TCTN1: variants seen among roughly 807,000 people sequenced by gnomAD.
TCTN1 encodes the protein tectonic family member 1.
TCTN1 carries 58 observed loss-of-function variants against 65.8 expected under a neutral mutation model. That is an observed-to-expected ratio of 0.88 (90% CI 0.71 to 1.10). TCTN1 has a LOEUF of 1.10. Among genes scored for constraint, TCTN1 ranks in the 50% least tolerant of loss-of-function variants. The pLI is 0.00. For missense variants in TCTN1, 645 were observed against 719.4 expected (o/e 0.90, Z 1.18); for synonymous variants, 273 against 289.1 (o/e 0.94, Z 0.57).
At chr12:110,619,417 T>A (rs2065265823) in intron 1 of TCTN1, among the ~76,000 whole-genome samples, 1 of 152,162 alleles carries the variant, frequency 6.6e-6, no homozygotes, top group African/African-American at 2.4e-5. Flanking sequence ...CTCTGAATCG[T>A]AATCTCTAGA....
At chr12:110,622,722 T>C (rs1565962932) in intron 2 of TCTN1, among the ~76,000 whole-genome samples, 1 of 151,878 alleles carries the variant, frequency 6.6e-6, no homozygotes, top group Non-Finnish European at 1.5e-5. Flanking sequence ...AGGGGTCAGG[T>C]CCCCAGGGGC....
chr12:110,647,279 T>G lies in TCTN1; in HGVS notation c.1578T>G (p.Asn526Lys). ...VKWTKYGSLL[N>K]PQAKIVNVTA... Reference sequence around the variant, plus strand: ...GGACTAAATACGGATCCCTGCTGAATCCACAGGCCAAAATAGTCAATGTAA... The same window carrying G: ...GGACTAAATACGGATCCCTGCTGAAGCCACAGGCCAAAATAGTCAATGTAA... Residue 526 changes from asparagine (N) to lysine (K), a missense_variant, in exon 13 of 15, where the codon AAT (asparagine) becomes AAG (lysine). Asn to Lys is a moderately conservative substitution (Grantham distance 94). Coordinates refer to ENST00000397659, the MANE Select transcript of TCTN1 (RefSeq NM_001082538.3). 1.2e-6 allele frequency: 2 copies of G among 1,614,188 alleles called. No individual in the cohort carries two copies. Among genetic ancestry groups the G allele is most frequent in the Non-Finnish European group, 1.7e-6 (2 of 1,180,040 alleles).
Position 110,634,744 on chromosome 12 carries a change from A to C in TCTN1, c.787A>C (p.Ser263Arg), listed in dbSNP as rs778482271. 6.2e-7 allele frequency: 1 copy of C among 1,612,060 alleles called. No homozygotes were observed. The highest frequency in any genetic ancestry group is 8.5e-7 in the Non-Finnish European group (1 of 1,178,972). Residue 263 changes from serine (S) to arginine (R), a missense_variant, in exon 6 of 15, where the codon AGC becomes CGC. Physicochemically the swap from Ser to Arg is moderately radical, Grantham distance 110. Coordinates refer to ENST00000397659, the MANE Select transcript of TCTN1 (RefSeq NM_001082538.3). ...ACAGTGTGAAGAAATTGAAGCCCTC[A>C]GCATGGCTTTTTACAGCAGCCCGGA... Reference protein sequence around the residue: ...LEQCEEIEALSMAFYSSPEIL... With the variant: ...LEQCEEIEALRMAFYSSPEIL...
chr12:110,634,751 C>G lies in TCTN1; in HGVS notation c.794C>G (p.Ala265Gly), dbSNP rs1457836773. The G allele has an allele frequency of 1.2e-6, 2 of 1,611,396 alleles. No homozygotes were observed. The change falls in exon 6 of 15, where the codon GCT (alanine) becomes GGT (glycine). Residue 265 changes from alanine (A) to glycine (G), a missense_variant. Physicochemically the swap from Ala to Gly is moderately conservative, Grantham distance 60. Transcript: ENST00000397659. ...QCEEIEALSM[A>G]FYSSPEILRV... ...GAAGAAATTGAAGCCCTCAGCATGG[C>G]TTTTTACAGCAGCCCGGAAATTCTG...
At chr12:110,638,757 G>A (rs1009919520) in intron 7 of TCTN1, among the ~76,000 whole-genome samples, 1 of 152,198 alleles carries the variant, frequency 6.6e-6, no homozygotes, top group Non-Finnish European at 1.5e-5. Context: ...TCCAGCAGAG[G>A]CTGGTATGGC....
intron 4 of TCTN1, among the ~76,000 whole-genome samples, chr12:110,630,540 A>G (rs897032681): frequency 3.9e-5 from 6 of 152,246 alleles, no homozygotes; most frequent in African/African-American, 1.2e-4. Flanking sequence ...TTTTAAAAGC[A>G]AAGTATAAAA....
At chr12:110,642,845 C>T (rs2067050695) in intron 11 of TCTN1, among the ~76,000 whole-genome samples, 1 of 151,988 alleles carries the variant, frequency 6.6e-6, no homozygotes, top group African/African-American at 2.4e-5. Context: ...CAACCTCTGC[C>T]TCTGGGTTCA....
chr12:110,617,329 C>T (rs1399355753), intron 1 of TCTN1, among the ~76,000 whole-genome samples: 1 of 151,180 alleles, frequency 6.6e-6, no homozygotes, highest in Non-Finnish European at 1.5e-5. Context: ...GTGCATTATA[C>T]CTTTTACGGG....
chr12:110,645,396 A>G lies in TCTN1; in HGVS notation c.1494+267A>G, dbSNP rs146622148. On this transcript the variant is annotated intron_variant, in intron 12 of 14. Transcript: ENST00000397659. Reference sequence around the variant, plus strand: ...GCCTCATGGGGCATTGAGAGGGTTAAGTGAGGTAACATTTATGTGGCCCTG... The same window carrying G: ...GCCTCATGGGGCATTGAGAGGGTTAGGTGAGGTAACATTTATGTGGCCCTG... 3.4e-5 allele frequency: 16 copies of G among 476,282 alleles called. No individual in the cohort carries two copies. In the East Asian group the frequency reaches 6.4e-4, roughly 19 times the overall value. The allele number at this position is 476,282 out of a possible 1,614,324, so 29.5% of individuals were successfully genotyped here. A position where few individuals can be genotyped will look rare whatever the true frequency, so the allele number is the denominator to read the frequency against.
Position 110,641,150 on chromosome 12 carries a change from G to C in TCTN1, c.1104+1G>C, listed in dbSNP as rs756402483. ...AAAGTTTGAAATTCATTTTCTTCAGGTAAGGTTGATCAATTTGGCATAAGT... is the reference window on the plus strand; with the variant it reads ...AAAGTTTGAAATTCATTTTCTTCAGCTAAGGTTGATCAATTTGGCATAAGT... On this transcript the variant is annotated splice_donor_variant, in intron 9 of 14. Coordinates refer to ENST00000397659, the MANE Select transcript of TCTN1 (RefSeq NM_001082538.3). LOFTEE classifies it high-confidence loss of function. 5 of 1,614,170 alleles carry C rather than the reference G, an allele frequency of 3.1e-6. No homozygotes were observed. The Admixed American group carries it at 6.7e-5, about 22-fold the overall frequency.
chr12:110,628,932 T>G lies in TCTN1; in HGVS notation c.624+14T>G. 6.2e-7 allele frequency: 1 copy of G among 1,613,124 alleles called. No homozygotes were observed. The highest frequency in any genetic ancestry group is 1.7e-5 in the Admixed American group (1 of 60,002). ...GCTAAATATGAGGTGAGCCTGAACT[T>G]GATTGATTCTTTTCATCCCATCACA... is the stretch of plus-strand genomic sequence containing the variant. On this transcript the variant is annotated intron_variant, in intron 4 of 14. Transcript: ENST00000397659.
chr12:110,616,136 A>G (rs1368811592), intron 1 of TCTN1: 2 of 249,586 alleles, frequency 8.0e-6, no homozygotes, highest in African/African-American at 4.5e-5. Context: ...TAAGTACTCC[A>G]TCTGTTAATG....
chr12:110,645,788 A>G (rs1281259244), intron 12 of TCTN1: 1 of 154,680 alleles, frequency 6.5e-6, no homozygotes, highest in South Asian at 2.0e-4. Context: ...CGTGCTCTCC[A>G]TCTTAGCCTG....
chr12:110,615,018 G>A (rs922105254), intron 1 of TCTN1, among the ~76,000 whole-genome samples: 4 of 152,140 alleles, frequency 2.6e-5, no homozygotes, highest in Non-Finnish European at 4.4e-5. Flanking sequence ...TTTGGCTGGC[G>A]CCGTGGCTCA....
chr12:110,646,645 T>TGCA (rs1409998151), intron 12 of TCTN1: 1 of 166,866 alleles, frequency 6.0e-6, no homozygotes, highest in Non-Finnish European at 1.3e-5. Flanking sequence ...GTGTTCCTGA[T>TGCA]GCAGTTGAAG....
intron 12 of TCTN1, 97 bp downstream of exon 12, chr12:110,645,226 A>G (rs1209574992): frequency 6.5e-7 from 1 of 1,537,980 alleles, no homozygotes; most frequent in Non-Finnish European, 8.8e-7. Context: ...AGGAGGCAGG[A>G]TGGCCCTGAG....
intron 2 of TCTN1, among the ~76,000 whole-genome samples, chr12:110,621,095 G>A (rs751569791): frequency 9.9e-5 from 15 of 152,178 alleles, no homozygotes; most frequent in Non-Finnish European, 1.9e-4. Context: ...GTAAGCCAAC[G>A]CGCCCAGCTT....
chr12:110,634,644 T>C, intron 5 of TCTN1, 26 bp from the exon 6 acceptor site: 2 of 1,555,732 alleles, frequency 1.3e-6, no homozygotes, highest in South Asian at 1.2e-5. Flanking sequence ...TATTTTTTTT[T>C]CCTTGGGAAT....
rs1292298520 is a variant in TCTN1 at position 110,628,756 on chromosome 12, T to A, written c.473-11T>A. ...ATACCGATTTAAAATACTGTTTTTT[T>A]TAAAAAACAGATAAACCTGCATTAT... On this transcript the variant is annotated splice_polypyrimidine_tract_variant and intron_variant, in intron 3 of 14. Coordinates refer to ENST00000397659, the MANE Select transcript of TCTN1 (RefSeq NM_001082538.3). The A allele has an allele frequency of 1.9e-6, 3 of 1,586,796 alleles. No individual in the cohort carries two copies. Among genetic ancestry groups the A allele is most frequent in the Non-Finnish European group, 2.6e-6 (3 of 1,159,082 alleles).
Sources: gnomAD v4.1 joint callset for allele counts (sites outside exome capture counted in the v4.1 genomes callset) on GRCh38, gnomAD v4.1.1 for gene constraint, MANE v1.5 for transcripts, NCBI Gene and HGNC (gene_info 2026-07-23, HGNC 2026-07-21) for gene names.